The following ANO10 variants were observed in gnomAD, a reference collection of about 807,000 sequenced individuals.
ANO10 encodes the protein anoctamin-10.
A neutral mutation model predicts 74.7 loss-of-function variants in ANO10; 77 were observed. That is an observed-to-expected ratio of 1.03 (90% CI 0.86 to 1.25). The LOEUF is 1.25. ANO10 is among the 50% of genes most tolerant of loss of function. ANO10 has a pLI of 0.00. For synonymous variants in ANO10, 279 were observed against 284.9 expected (o/e 0.98, Z 0.21); for missense variants, 721 against 778.1 (o/e 0.93, Z 0.87).
At chr3:43,644,130 G>A (rs1397256083) in intron 1 of ANO10, among the ~76,000 whole-genome samples, 2 of 152,012 alleles carry the variant, frequency 1.3e-5, no homozygotes, top group Non-Finnish European at 2.9e-5. Flanking sequence ...TGTTGAAAAG[G>A]CTTTCCGTGT....
At chr3:43,662,519 C>T (rs927842295) in intron 1 of ANO10, among the ~76,000 whole-genome samples, 11 of 152,012 alleles carry the variant, frequency 7.2e-5, no homozygotes, top group African/African-American at 2.7e-4. Context: ...AAAGAGCAAA[C>T]AAATTCAACA....
chr3:43,595,653 T>G (rs1268467751), intron 4 of ANO10, among the ~76,000 whole-genome samples: 1 of 152,158 alleles, frequency 6.6e-6, no homozygotes, highest in Non-Finnish European at 1.5e-5. Context: ...ACAGCCAATA[T>G]CATACTGAAT....
At chr3:43,644,363 C>T (rs1575576712) in intron 1 of ANO10, among the ~76,000 whole-genome samples, 1 of 152,158 alleles carries the variant, frequency 6.6e-6, no homozygotes, top group South Asian at 2.1e-4. Context: ...TGTAATGCAG[C>T]ACACAGAGAC....
At chr3:43,379,245 C>A (rs2091893556) in intron 12 of ANO10, among the ~76,000 whole-genome samples, 1 of 152,186 alleles carries the variant, frequency 6.6e-6, no homozygotes, top group Non-Finnish European at 1.5e-5. Context: ...TCTTTTTCCT[C>A]CAGGTTACAT....
chr3:43,414,179 C>G (rs1027765198), intron 12 of ANO10, among the ~76,000 whole-genome samples: 12 of 152,096 alleles, frequency 7.9e-5, no homozygotes, highest in Non-Finnish European at 2.9e-5. Flanking sequence ...AGCACACACA[C>G]AAAAAGAAGG....
Position 43,369,940 on chromosome 3 carries a change from A to G in ANO10, c.1915-2966T>C, listed in dbSNP as rs187196315. ...CTCTACCTCCCTTGGCTGCAAATGG[A>G]GTCAGAGCCACAGATACTCATTACC... On this transcript the variant is annotated intron_variant, in intron 12 of 12. Transcript: ENST00000292246. Among the ~76,000 whole-genome samples the G allele has an allele frequency of 4.6e-3, 699 of 152,296 alleles. 3 individuals are homozygous for G. The highest frequency in any genetic ancestry group is 0.016 in the African/African-American group (672 of 41,550).
intron 11 of ANO10, among the ~76,000 whole-genome samples, chr3:43,448,838 T>C (rs886842474): frequency 2.0e-5 from 3 of 151,936 alleles, no homozygotes; most frequent in East Asian, 3.9e-4. Flanking sequence ...GGATTGTTTG[T>C]TTATGGATTG....
chr3:43,577,531 G>A (rs2081071977), intron 5 of ANO10, among the ~76,000 whole-genome samples: 1 of 152,102 alleles, frequency 6.6e-6, no homozygotes, highest in Admixed American at 6.5e-5. Context: ...CTCACCTGAT[G>A]GATACCTTCT....
At chr3:43,599,069 A>G (rs969663939) in intron 3 of ANO10, among the ~76,000 whole-genome samples, 2 of 152,186 alleles carry the variant, frequency 1.3e-5, no homozygotes, top group Admixed American at 6.5e-5. Context: ...CCTCCTTCAA[A>G]CTCTCAAGCC....
chr3:43,510,569 T>C (rs1171614151), intron 11 of ANO10, among the ~76,000 whole-genome samples: 1 of 152,014 alleles, frequency 6.6e-6, no homozygotes, highest in Non-Finnish European at 1.5e-5. Flanking sequence ...CTACAAAATA[T>C]CACCATCCAG....
rs113817393 is a variant in ANO10, at chr3:43,428,397, T to C, written c.1914+4214A>G. On this transcript the variant is annotated intron_variant, in intron 12 of 12. Coordinates refer to ENST00000292246, the MANE Select transcript of ANO10 (RefSeq NM_018075.5). ...GATTGATAATTAAAAGAAAAAAATT[T>C]AGTGGAGACAGGGAGGGAGAATACT... Among the ~76,000 whole-genome samples, 331 of 152,208 alleles carry C rather than the reference T, an allele frequency of 2.2e-3. 1 individual carries two copies. Among genetic ancestry groups the C allele is most frequent in the Non-Finnish European group, 3.7e-3 (249 of 68,012 alleles).
At chr3:43,526,866 T>C (rs1040435549) in intron 11 of ANO10, among the ~76,000 whole-genome samples, 2 of 113,624 alleles carry the variant, frequency 1.8e-5, no homozygotes, top group African/African-American at 5.5e-5. Context: ...TTAAGTTCTC[T>C]TAGGGTCTAA....
chr3:43,540,165 T>C (rs1005878328), intron 11 of ANO10, among the ~76,000 whole-genome samples: 3 of 152,224 alleles, frequency 2.0e-5, no homozygotes, highest in African/African-American at 7.2e-5. Context: ...TCAAAACAGC[T>C]AAAATGCAGA....
intron 11 of ANO10, among the ~76,000 whole-genome samples, chr3:43,539,622 G>A (rs573353082): frequency 3.3e-5 from 5 of 152,210 alleles, no homozygotes; most frequent in Non-Finnish European, 5.9e-5. Context: ...AATGAGAAGA[G>A]ACAAGAGCAA....
intron 12 of ANO10, among the ~76,000 whole-genome samples, chr3:43,416,489 T>C (rs1389270111): frequency 6.6e-6 from 1 of 152,204 alleles, no homozygotes; most frequent in East Asian, 1.9e-4. Flanking sequence ...CAACCATATT[T>C]TTATTAATAG....
intron 11 of ANO10, among the ~76,000 whole-genome samples, chr3:43,515,988 G>A (rs184439279): frequency 1.1e-3 from 162 of 152,266 alleles, no homozygotes; most frequent in Admixed American, 1.9e-3. Flanking sequence ...TCAAAACGAC[G>A]TAGAGAGGCA....
intron 1 of ANO10, among the ~76,000 whole-genome samples, chr3:43,688,185 T>C (rs971457249): frequency 1.3e-5 from 2 of 152,194 alleles, no homozygotes; most frequent in African/African-American, 4.8e-5. Context: ...TTTTTGTGAC[T>C]GTGCAGCAGG....
chr3:43,493,400 A>G lies in ANO10; in HGVS notation c.1797+56320T>C, dbSNP rs568664414. Among the ~76,000 whole-genome samples the G allele has an allele frequency of 5.3e-5, 8 of 152,228 alleles. No homozygotes were observed. The South Asian group carries it at 1.7e-3, about 32-fold the overall frequency. ...GCATGTTCTGCACATGTAACCCAGA[A>G]CTTAAAGTATAATTTAAAAAAAAAA... On this transcript the variant is annotated intron_variant, in intron 11 of 12. Transcript: ENST00000292246.
At chr3:43,452,863 T>C (rs769279937) in intron 11 of ANO10, among the ~76,000 whole-genome samples, 2 of 152,354 alleles carry the variant, frequency 1.3e-5, no homozygotes, top group Non-Finnish European at 2.9e-5. Flanking sequence ...TGCCTTTTTG[T>C]TTATATCTAT....
Sources: allele counts gnomAD v4.1 joint callset (sites outside exome capture counted in the v4.1 genomes callset), GRCh38; gene constraint gnomAD v4.1.1; transcripts MANE v1.5; gene names NCBI Gene and HGNC (gene_info 2026-07-23, HGNC 2026-07-21).